CLCN6: variants seen among roughly 807,000 people sequenced by gnomAD.
CLCN6 encodes Cl-/H+ antiporter 6.
In CLCN6, 70 loss-of-function variants were observed where a neutral mutation model predicts 109.8. That is an observed-to-expected ratio of 0.64 (90% CI 0.53 to 0.78). The LOEUF (loss-of-function observed/expected upper bound fraction) is 0.78, where lower values mean the gene tolerates loss of function less well. CLCN6 is among the 30% of genes least tolerant of loss of function. The pLI is 0.00. For missense variants in CLCN6, 984 were observed against 1,142.3 expected (o/e 0.86, Z 2.00); for synonymous variants, 444 against 447.8 (o/e 0.99, Z 0.11).
intron 17 of CLCN6, among the ~76,000 whole-genome samples, 190 bp from the exon 18 acceptor site, chr1:11,835,777 G>A (rs1198572361): frequency 6.6e-6 from 1 of 152,196 alleles, no homozygotes; most frequent in Non-Finnish European, 1.5e-5. Flanking sequence ...GACATTCCAG[G>A]TGCGGGAACA....
Position 11,841,324 on chromosome 1 carries a change from AG to A in CLCN6, c.*1104del, listed in dbSNP as rs1407096295. The A allele has an allele frequency of 6.6e-6, 1 of 152,602 alleles. No homozygotes were observed. Among genetic ancestry groups the A allele is most frequent in the Non-Finnish European group, 1.5e-5 (1 of 68,054 alleles). The allele number at this position is 152,602 out of a possible 1,614,324, so 9.5% of individuals were successfully genotyped here. A position where few individuals can be genotyped will look rare whatever the true frequency, so the allele number is the denominator to read the frequency against. On this transcript the variant is annotated 3_prime_UTR_variant, in exon 23 of 23. Transcript: ENST00000346436. ...AGCTTACATACAGAGGCCCTTCAGG[AG>A]GGCCTCCTGTGCCGCAGGGAGGGTG...
At chr1:11,811,350 T>C (rs1189051978) in intron 2 of CLCN6, among the ~76,000 whole-genome samples, 1 of 152,184 alleles carries the variant, frequency 6.6e-6, no homozygotes, top group Non-Finnish European at 1.5e-5. Flanking sequence ...AAAATTAGTA[T>C]ATTCACAGAG....
At chr1:11,821,383 C>T (rs1455650876) in intron 5 of CLCN6, among the ~76,000 whole-genome samples, 1 of 152,164 alleles carries the variant, frequency 6.6e-6, no homozygotes, top group Non-Finnish European at 1.5e-5. Flanking sequence ...CATGGTGAAA[C>T]CCTGTCTCTA....
Position 11,840,280 on chromosome 1 carries a change from G to T in CLCN6, c.*57G>T. The T allele has an allele frequency of 6.9e-7, 1 of 1,446,384 alleles. No individual in the cohort carries two copies. Among genetic ancestry groups the T allele is most frequent in the South Asian group, 1.1e-5 (1 of 87,948 alleles). 89.6% of individuals were successfully genotyped at this position (1,446,384 alleles called of 1,614,324 possible). A position where few individuals can be genotyped will look rare whatever the true frequency, so the allele number is the denominator to read the frequency against. ...GGGGAGGCAAATCATGCTCACTCCG[G>T]CGGGCACAGCTGGCTGGGGCTGTTC... On this transcript the variant is annotated 3_prime_UTR_variant, in exon 23 of 23. Transcript: ENST00000346436.
intron 3 of CLCN6, among the ~76,000 whole-genome samples, chr1:11,816,340 A>C (rs1644671474): frequency 6.6e-6 from 1 of 152,200 alleles, no homozygotes; most frequent in Admixed American, 6.5e-5. Context: ...GGTGGTCTAG[A>C]ACCAAACCCA....
chr1:11,830,776 CTATAT>C (rs1173411260), intron 13 of CLCN6, among the ~76,000 whole-genome samples: 184 of 117,932 alleles, frequency 1.6e-3, no homozygotes, highest in African/African-American at 5.9e-3. Context: ...CACACACACA[CTATAT>C]ATACACACAC....
chr1:11,809,440 A>T (rs1013183700), intron 2 of CLCN6, among the ~76,000 whole-genome samples: 4 of 152,066 alleles, frequency 2.6e-5, no homozygotes, highest in Non-Finnish European at 5.9e-5. Context: ...ATGCATATTC[A>T]TGTAAATTTT....
chr1:11,838,432 G>A lies in CLCN6; in HGVS notation c.2393G>A (p.Arg798His), dbSNP rs769924243. The A allele has an allele frequency of 1.1e-5, 17 of 1,613,974 alleles. No individual in the cohort carries two copies. The highest frequency in any genetic ancestry group is 4.5e-5 in the East Asian group (2 of 44,894). The change falls in exon 21 of 23, where the codon CGC becomes CAC. Residue 798 changes from arginine (R) to histidine (H), a missense_variant. Transcript: ENST00000346436. ...CTGGACCTGACGCTGCTCAACCCGC[G>A]CATGATCGTGGTGAGAAGGGCTGCC... ...HDLDLTLLNPRMIVDVTPYMN... is the reference protein window; with the variant it reads ...HDLDLTLLNPHMIVDVTPYMN...
intron 5 of CLCN6, chr1:11,820,496 G>A: frequency 3.1e-6 from 2 of 646,510 alleles, no homozygotes; most frequent in South Asian, 3.5e-5. Context: ...GCCGGACACA[G>A]TGGCTCACGC....
intron 13 of CLCN6, among the ~76,000 whole-genome samples, chr1:11,833,164 A>G (rs1288822052): frequency 2.0e-5 from 3 of 152,096 alleles, no homozygotes; most frequent in Non-Finnish European, 2.9e-5. Context: ...CACCTGCCTC[A>G]TATTCCCCCA....
In CLCN6 at chr1:11,833,868, C is replaced by A; in HGVS notation, c.1373-9C>A. 1 of 1,607,404 alleles carries A rather than the reference C, an allele frequency of 6.2e-7. No homozygotes were observed. The highest frequency in any genetic ancestry group is 8.5e-7 in the Non-Finnish European group (1 of 1,176,978). ...GGTAGTGGGACTCAGGTTGGCTCTT[C>A]CCTTGCAGGTACTTTCAGCCCCGTC... On this transcript the variant is annotated splice_polypyrimidine_tract_variant and intron_variant, in intron 14 of 22. Coordinates refer to ENST00000346436, the MANE Select transcript of CLCN6 (RefSeq NM_001286.5).
intron 1 of CLCN6, 44 bp from the exon 2 acceptor site, chr1:11,807,087 C>T: frequency 6.4e-7 from 1 of 1,563,208 alleles, no homozygotes; most frequent in Non-Finnish European, 8.8e-7. Context: ...TCCTTCCACT[C>T]CTAACCACTA....
intron 13 of CLCN6, among the ~76,000 whole-genome samples, chr1:11,830,798 A>C (rs1350813854): frequency 7.2e-6 from 1 of 138,154 alleles, no homozygotes; most frequent in Non-Finnish European, 1.5e-5. Context: ...ACACACACAC[A>C]CACACACACA....
intron 2 of CLCN6, among the ~76,000 whole-genome samples, chr1:11,810,082 C>G (rs1329341036): frequency 6.6e-6 from 1 of 152,108 alleles, no homozygotes; most frequent in Non-Finnish European, 1.5e-5. Context: ...TATTAATAGT[C>G]ATATTTTAAT....
Position 11,841,573 on chromosome 1 carries a change from C to G in CLCN6, c.*1350C>G, listed in dbSNP as rs985813969. ...CATCCCTGGGGCAGACGTGCTTTGG[C>G]TCAAGATGGCCTTCATTTACGTTTA... is the stretch of plus-strand genomic sequence containing the variant. On this transcript the variant is annotated 3_prime_UTR_variant, in exon 23 of 23. Coordinates refer to ENST00000346436, the MANE Select transcript of CLCN6 (RefSeq NM_001286.5). The G allele has an allele frequency of 6.6e-6, 1 of 152,272 alleles. No homozygotes were observed. Among genetic ancestry groups the G allele is most frequent in the African/African-American group, 2.4e-5 (1 of 41,468 alleles). The allele number at this position is 152,272 out of a possible 1,614,324, so 9.4% of individuals were successfully genotyped here.
Position 11,829,288 on chromosome 1 carries a change from C to T in CLCN6, c.1214C>T (p.Ser405Leu), listed in dbSNP as rs371954004. ...GGAGAATGCCGACAGATGTCCTCTTCGAGTCAAATCGGTAATGACTCATTC... is the reference window on the plus strand; with the variant it reads ...GGAGAATGCCGACAGATGTCCTCTTTGAGTCAAATCGGTAATGACTCATTC... Reference protein sequence around the residue: ...VLGECRQMSSSSQIGNDSFQL... With the variant: ...VLGECRQMSSLSQIGNDSFQL... The change falls in exon 13 of 23, where the codon TCG becomes TTG. Residue 405 changes from serine to leucine, a missense_variant. By Grantham distance (145) the Ser-to-Leu change is moderately radical (BLOSUM62 -2). Coordinates refer to ENST00000346436, the MANE Select transcript of CLCN6 (RefSeq NM_001286.5). 11 of 1,613,992 alleles carry T rather than the reference C, an allele frequency of 6.8e-6. No homozygotes were observed. Among genetic ancestry groups the T allele is most frequent in the African/African-American group, 4.0e-5 (3 of 74,916 alleles).
chr1:11,816,711 G>T, intron 4 of CLCN6, 31 bp downstream of exon 4: 1 of 1,586,322 alleles, frequency 6.3e-7, no homozygotes, highest in Admixed American at 1.7e-5. Context: ...GGGATGGTGG[G>T]CCATAGGGCT....
intron 22 of CLCN6, chr1:11,838,929 T>C (rs997201937): frequency 5.6e-6 from 4 of 718,080 alleles, no homozygotes; most frequent in Non-Finnish European, 2.6e-6. Flanking sequence ...GAAATGTTGC[T>C]CTTCACTCCG....
At position 11,837,081 on chromosome 1, in the gene CLCN6, A is replaced by G. The variant is rs1644959609; in HGVS notation, c.2063A>G (p.Asn688Ser). 1 of 1,613,602 alleles carries G rather than the reference A, an allele frequency of 6.2e-7. No homozygotes were observed. The highest frequency in any genetic ancestry group is 8.5e-7 in the Non-Finnish European group (1 of 1,180,038). ...TCCTACCCATCCAGCGAGCTACGGA[A>G]CATGTGTGATGAGCACATCGCCTCT... ...MKSYPSSELR[N>S]MCDEHIASEE... Residue 688 changes from asparagine to serine, a missense_variant, in exon 19 of 23, where the codon AAC (asparagine) becomes AGC (serine). Transcript: ENST00000346436.
Sources: allele counts gnomAD v4.1 joint callset (sites outside exome capture counted in the v4.1 genomes callset), GRCh38; gene constraint gnomAD v4.1.1; transcripts MANE v1.5; gene names NCBI Gene and HGNC (gene_info 2026-07-23, HGNC 2026-07-21).